Variants in STK3 observed in about 807,000 individuals in gnomAD.
The protein encoded by STK3 is serine/threonine kinase 3.
Under a neutral mutation model 58.0 loss-of-function variants are expected in STK3, and 41 were observed. The ratio of observed to expected loss-of-function variants is 0.71; its 90% CI spans 0.55 to 0.92. The LOEUF is 0.92. Among genes scored for constraint, STK3 ranks in the 40% least tolerant of loss-of-function variants. The pLI is 0.00. For synonymous variants in STK3, 170 were observed against 191.0 expected (o/e 0.89, Z 0.91); for missense variants, 479 against 602.7 (o/e 0.79, Z 2.15).
At position 98,596,189 on chromosome 8, in the gene STK3, C is replaced by A. The variant is rs1815814421; in HGVS notation, c.685-20G>T. 4 of 1,605,120 alleles carry A rather than the reference C, an allele frequency of 2.5e-6. No individual in the cohort carries two copies. The highest frequency in any genetic ancestry group is 1.1e-5 in the South Asian group (1 of 89,276). ...AATAGCCTAGTACAAATGAAATATCCAAAAGACAGTAAGAATCACACTAGC... is the reference window on the plus strand; with the variant it reads ...AATAGCCTAGTACAAATGAAATATCAAAAAGACAGTAAGAATCACACTAGC... On this transcript the variant is annotated intron_variant, in intron 6 of 10. Transcript: ENST00000419617.
intron 6 of STK3, among the ~76,000 whole-genome samples, chr8:98,614,976 G>A (rs894264558): frequency 6.6e-6 from 1 of 152,220 alleles, no homozygotes; most frequent in African/African-American, 2.4e-5. Context: ...AAGGAGGCCT[G>A]CCTGCCTCTG....
intron 1 of STK3, among the ~76,000 whole-genome samples, chr8:98,793,462 T>C (rs970839820): frequency 1.3e-5 from 2 of 152,134 alleles, no homozygotes; most frequent in African/African-American, 4.8e-5. Context: ...CACCTGAATC[T>C]GGGAGGTTGG....
chr8:98,695,692 T>C (rs1824848215), intron 6 of STK3, among the ~76,000 whole-genome samples: 2 of 152,210 alleles, frequency 1.3e-5, no homozygotes, highest in Admixed American at 6.5e-5. Flanking sequence ...CTCTGCTCTG[T>C]TCCATTGATC....
At chr8:98,344,794 G>A in the STK3 span, among the ~76,000 whole-genome samples, 49,250 of 147,086 alleles carry the variant, frequency 0.33, 9,681 homozygotes, top group African/African-American at 0.54. Context: ...TTGGGAGGCT[G>A]AGGCAGGAGA....
At position 98,550,736 on chromosome 8, in the gene STK3, T is replaced by C. The variant is rs1586839171; in HGVS notation, c.949-2575A>G. ...CTTTCTAGAGTCAGACAGACATTAGTTCAAATCCTGGCTCAAATCACTTAT... is the reference window on the plus strand; with the variant it reads ...CTTTCTAGAGTCAGACAGACATTAGCTCAAATCCTGGCTCAAATCACTTAT... On this transcript the variant is annotated intron_variant, in intron 8 of 10. Transcript: ENST00000419617. 1.3e-5 allele frequency among the ~76,000 whole-genome samples: 2 copies of C among 152,248 alleles called. 1 individual carries two copies. Among genetic ancestry groups the C allele is most frequent in the African/African-American group, 4.8e-5 (2 of 41,560 alleles).
chr8:98,536,595 G>A (rs1809785170), intron 9 of STK3, among the ~76,000 whole-genome samples: 1 of 152,120 alleles, frequency 6.6e-6, no homozygotes, highest in Admixed American at 6.5e-5. Context: ...TACTCTGCAG[G>A]CAGGAGAACA....
At chr8:98,934,314 A>G (rs1840116698) in intron 1 of STK3, among the ~76,000 whole-genome samples, 1 of 152,194 alleles carries the variant, frequency 6.6e-6, no homozygotes, top group South Asian at 2.1e-4. Flanking sequence ...TACATATCTG[A>G]CAAAAGGAAT....
intron 6 of STK3, chr8:98,633,782 G>GC: frequency 5.4e-6 from 3 of 550,916 alleles, no homozygotes; most frequent in Non-Finnish European, 1.0e-5. Context: ...TTAAGCTCAA[G>GC]CAAGTGTATG....
chr8:98,640,100 C>A (rs1342426328), intron 6 of STK3, among the ~76,000 whole-genome samples: 1 of 152,160 alleles, frequency 6.6e-6, no homozygotes, highest in Non-Finnish European at 1.5e-5. Context: ...ATCACCCAGG[C>A]TGGAGTGCAG....
intron 6 of STK3, among the ~76,000 whole-genome samples, chr8:98,666,189 T>C (rs932698171): frequency 7.3e-6 from 1 of 136,732 alleles, no homozygotes; most frequent in African/African-American, 2.7e-5. Flanking sequence ...TTTGTAAATG[T>C]AAAAAAAAAA....
At chr8:98,534,098 G>T (rs1809565163) in intron 9 of STK3, among the ~76,000 whole-genome samples, 1 of 152,150 alleles carries the variant, frequency 6.6e-6, no homozygotes, top group Non-Finnish European at 1.5e-5. Context: ...ATAACAGAAT[G>T]ATCTATCCCA....
intron 6 of STK3, among the ~76,000 whole-genome samples, chr8:98,640,856 G>A (rs184958298): frequency 0.032 from 4,855 of 150,730 alleles, 108 homozygotes; most frequent in East Asian, 0.063. Flanking sequence ...TTAGCTCATT[G>A]AAAAAACATA....
chr8:98,797,529 A>G (rs536405657), intron 1 of STK3, among the ~76,000 whole-genome samples: 1 of 152,338 alleles, frequency 6.6e-6, no homozygotes, highest in South Asian at 2.1e-4. Context: ...CAAAACTGAG[A>G]GAAAGTAAGA....
chr8:98,549,501 T>C (rs1447432392), intron 8 of STK3, among the ~76,000 whole-genome samples: 1 of 152,204 alleles, frequency 6.6e-6, no homozygotes, highest in African/African-American at 2.4e-5. Flanking sequence ...ACCAGAGATA[T>C]AATTTGCAAA....
intron 6 of STK3, among the ~76,000 whole-genome samples, chr8:98,596,921 T>C (rs1342636200): frequency 1.3e-5 from 2 of 152,002 alleles, no homozygotes; most frequent in South Asian, 2.1e-4. Flanking sequence ...ACATTCTAAA[T>C]ATGAAATACA....
chr8:98,495,100 G>T (rs1823022288), intron 10 of STK3, among the ~76,000 whole-genome samples: 1 of 152,166 alleles, frequency 6.6e-6, no homozygotes, highest in Non-Finnish European at 1.5e-5. Flanking sequence ...ACTAAGCACG[G>T]AGGAAACAGA....
chr8:98,773,695 G>A (rs574384912), intron 2 of STK3, among the ~76,000 whole-genome samples: 2 of 152,104 alleles, frequency 1.3e-5, no homozygotes, highest in East Asian at 3.9e-4. Flanking sequence ...TACTCTAACA[G>A]TTTGTCTTTT....
intron 6 of STK3, among the ~76,000 whole-genome samples, chr8:98,699,729 T>A (rs922787367): frequency 2.0e-5 from 3 of 152,176 alleles, no homozygotes; most frequent in African/African-American, 7.2e-5. Flanking sequence ...GGAAGTTTTG[T>A]CTCAGAGGAG....
intron 10 of STK3, among the ~76,000 whole-genome samples, chr8:98,519,455 G>C (rs760038425): frequency 6.6e-6 from 1 of 151,472 alleles, no homozygotes; most frequent in Non-Finnish European, 1.5e-5. Context: ...GCTGGCTATA[G>C]AGGAGGGTGA....
Sources: gnomAD v4.1 joint callset for allele counts (sites outside exome capture counted in the v4.1 genomes callset) on GRCh38, gnomAD v4.1.1 for gene constraint, MANE v1.5 for transcripts, NCBI Gene and HGNC (gene_info 2026-07-23, HGNC 2026-07-21) for gene names.